OXR1: variants seen among roughly 807,000 people sequenced by gnomAD.
OXR1 encodes oxidation resistance protein 1.
A neutral mutation model predicts 104.6 loss-of-function variants in OXR1; 41 were observed. The observed-to-expected ratio is 0.39, with a 90% CI of 0.31 to 0.51. The LOEUF (loss-of-function observed/expected upper bound fraction) is 0.51, where lower values mean the gene tolerates loss of function less well. OXR1 is among the 20% of genes least tolerant of loss of function. The pLI is 0.77. For synonymous variants in OXR1, 348 were observed against 348.4 expected, an observed-to-expected ratio of 1.00 and a Z score of 0.01; for missense variants, 955 against 1,031.9, an observed-to-expected ratio of 0.93 and a Z score of 1.02.
intron 2 of OXR1, among the ~76,000 whole-genome samples, chr8:106,431,277 A>T (rs1457654003): frequency 6.6e-6 from 1 of 151,922 alleles, no homozygotes; most frequent in Non-Finnish European, 1.5e-5. Context: ...GATAATGATG[A>T]TGGTGATGAT....
rs570461517 is a variant in OXR1, at chr8:106,499,148, G to A, written c.24-19795G>A. ...CTGCAGTCCGCAGTCCGGCCTGGGC[G>A]ACAGAGCGAGACTCCGTCTCAAAAA... On this transcript the variant is annotated intron_variant, in intron 2 of 16. Transcript: ENST00000517566. Among the ~76,000 whole-genome samples the A allele has an allele frequency of 2.6e-4, 3 of 11,740 alleles. 1 individual carries two copies. The highest frequency in any genetic ancestry group is 4.1e-4 in the Non-Finnish European group (2 of 4,924). The allele number at this position is 11,740 out of a possible 152,430, so 7.7% of individuals were successfully genotyped here. A position where few individuals can be genotyped will look rare whatever the true frequency, so the allele number is the denominator to read the frequency against.
intron 10 of OXR1, among the ~76,000 whole-genome samples, chr8:106,711,679 A>C (rs1831703372): frequency 6.6e-6 from 1 of 152,174 alleles, no homozygotes; most frequent in Non-Finnish European, 1.5e-5. Context: ...AAGCACAAAC[A>C]TCTGTACAAC....
chr8:106,451,178 C>T lies in OXR1; in HGVS notation c.24-67765C>T, dbSNP rs373702832. 3.7e-4 allele frequency among the ~76,000 whole-genome samples: 57 copies of T among 152,204 alleles called. No individual in the cohort carries two copies. The South Asian group carries it at 6.4e-3, about 17-fold the overall frequency. On this transcript the variant is annotated intron_variant, in intron 2 of 16. Transcript: ENST00000517566. Reference sequence around the variant, plus strand: ...GCTCTTGAGGTGAGGACAAGAAGGCCGTCACCTGAGCATGTGAGTTTTCAT... The same window carrying T: ...GCTCTTGAGGTGAGGACAAGAAGGCTGTCACCTGAGCATGTGAGTTTTCAT...
chr8:106,554,225 G>A (rs562276545), intron 3 of OXR1, among the ~76,000 whole-genome samples: 196 of 152,276 alleles, frequency 1.3e-3, no homozygotes, highest in African/African-American at 4.5e-3. Context: ...GCCACAACGT[G>A]GCTTCTGCAG....
rs1286691338 is a variant in OXR1 at position 106,740,472 on chromosome 8, G to C, written c.2293G>C (p.Val765Leu). 6.2e-7 allele frequency: 1 copy of C among 1,612,506 alleles called. No individual in the cohort carries two copies. The highest frequency in any genetic ancestry group is 8.5e-7 in the Non-Finnish European group (1 of 1,179,128). Residue 765 changes from valine (V) to leucine (L), a missense_variant, in exon 14 of 17, where the codon GTG (valine) becomes CTG (leucine). Around this residue, in one of 2 missense-constraint regions of OXR1, gnomAD observed 106 missense variants for 179.0 expected, o/e 0.59. Transcript: ENST00000517566. ...MTGLDTPVLM[V>L]IKDSDGQVFG... ...AGGTTTAGACACCCCAGTGCTGATGGTGATTAAAGACAGTGATGGACAGGT... is the reference window on the plus strand; with the variant it reads ...AGGTTTAGACACCCCAGTGCTGATGCTGATTAAAGACAGTGATGGACAGGT...
chr8:106,485,920 G>A (rs1810620198), intron 2 of OXR1, among the ~76,000 whole-genome samples: 1 of 151,098 alleles, frequency 6.6e-6, no homozygotes. Flanking sequence ...TCTCATAGGA[G>A]CAGAGAAAAG....
At chr8:106,653,161 C>A (rs1824761706) in intron 3 of OXR1, among the ~76,000 whole-genome samples, 1 of 150,506 alleles carries the variant, frequency 6.6e-6, no homozygotes, top group African/African-American at 2.4e-5. Context: ...CAGATGGCTT[C>A]AATGGTGAAT....
intron 3 of OXR1, among the ~76,000 whole-genome samples, chr8:106,593,618 A>G (rs1485942684): frequency 6.6e-6 from 1 of 151,952 alleles, no homozygotes; most frequent in Non-Finnish European, 1.5e-5. Flanking sequence ...CTCTGCTAAA[A>G]TACAAAAAAT....
At chr8:106,701,339 C>T (rs992906503) in intron 7 of OXR1, among the ~76,000 whole-genome samples, 11 of 152,092 alleles carry the variant, frequency 7.2e-5, no homozygotes, top group African/African-American at 2.7e-4. Context: ...AACTTTTTTT[C>T]ACTTGTGATT....
intron 8 of OXR1, 24 bp from the exon 9 acceptor site, chr8:106,706,358 A>T (rs1359202260): frequency 2.0e-6 from 3 of 1,512,166 alleles, no homozygotes; most frequent in Non-Finnish European, 2.7e-6. Flanking sequence ...AAGTCTAATT[A>T]TTTTTAATTT....
Position 106,739,601 on chromosome 8 carries a change from A to G in OXR1, c.2163+18A>G, listed in dbSNP as rs1834740251. ...TTGAAAAGGTATGACATGCTCACAT[A>G]TGTGCATTTCTGAGTGTGAGTGTGT... On this transcript the variant is annotated intron_variant, in intron 13 of 16. Transcript: ENST00000517566. 6.2e-7 allele frequency: 1 copy of G among 1,611,564 alleles called. No homozygotes were observed.
intron 16 of OXR1, among the ~76,000 whole-genome samples, chr8:106,747,171 A>T (rs1835463007): frequency 6.6e-6 from 1 of 152,186 alleles, no homozygotes; most frequent in African/African-American, 2.4e-5. Context: ...AATAGACATG[A>T]TTCAGATTCT....
intron 11 of OXR1, among the ~76,000 whole-genome samples, chr8:106,729,253 A>G (rs1165479079): frequency 6.6e-6 from 1 of 152,118 alleles, no homozygotes; most frequent in Admixed American, 6.6e-5. Context: ...TGCAAGTCAG[A>G]GCTGATTTTT....
At chr8:106,443,365 T>C (rs1819873487) in intron 2 of OXR1, among the ~76,000 whole-genome samples, 1 of 152,116 alleles carries the variant, frequency 6.6e-6, no homozygotes, top group South Asian at 2.1e-4. Context: ...CATGTGGTGC[T>C]GAGAACAATG....
At chr8:106,604,075 C>A (rs1195758151) in intron 3 of OXR1, among the ~76,000 whole-genome samples, 5 of 151,916 alleles carry the variant, frequency 3.3e-5, no homozygotes, top group African/African-American at 9.7e-5. Flanking sequence ...AACAAACAAA[C>A]AAAAAACAGA....
intron 1 of OXR1, among the ~76,000 whole-genome samples, chr8:106,316,783 AAGAG>A (rs1813982441): frequency 1.4e-5 from 2 of 145,006 alleles, no homozygotes. Context: ...TATTGCTCGA[AAGAG>A]AGAGGGAGAG....
chr8:106,440,455 A>T (rs1274649931), intron 2 of OXR1, among the ~76,000 whole-genome samples: 2 of 152,132 alleles, frequency 1.3e-5, no homozygotes, highest in Admixed American at 6.6e-5. Flanking sequence ...ATATTATTAC[A>T]TGGTAAACTA....
At chr8:106,672,553 AG>A (rs1223471890) in intron 3 of OXR1, among the ~76,000 whole-genome samples, 88 of 117,580 alleles carry the variant, frequency 7.5e-4, no homozygotes, top group African/African-American at 2.3e-3. Context: ...GAAAAGAAAG[AG>A]AGAAAGGAAG....
intron 2 of OXR1, among the ~76,000 whole-genome samples, chr8:106,401,707 G>C (rs1478327127): frequency 1.3e-5 from 2 of 152,126 alleles, no homozygotes; most frequent in African/African-American, 2.4e-5. Context: ...ATCACAGCAT[G>C]CCCCCACACC....
Sources: gnomAD v4.1 joint callset for allele counts (sites outside exome capture counted in the v4.1 genomes callset) on GRCh38, gnomAD v4.1.1 for gene constraint, gnomAD v4.1.1 regional missense constraint, MANE v1.5 for transcripts, NCBI Gene and HGNC (gene_info 2026-07-23, HGNC 2026-07-21) for gene names.